The following PRKN variants were observed in gnomAD, a reference collection of about 807,000 sequenced individuals.
PRKN encodes the protein parkin RBR E3 ubiquitin protein ligase.
In PRKN, 56 loss-of-function variants were observed where a neutral mutation model predicts 59.5. The ratio of observed to expected loss-of-function variants is 0.94; its 90% CI spans 0.76 to 1.18. The LOEUF (loss-of-function observed/expected upper bound fraction) is 1.18. Ranked by LOEUF, PRKN falls within the 50% of genes most tolerant of loss-of-function variation. PRKN has a pLI of 0.00. For synonymous variants in PRKN, 250 were observed against 222.1 expected (o/e 1.13, Z -1.12); for missense variants, 657 against 596.4 (o/e 1.10, Z -1.06).
intron 6 of PRKN, among the ~76,000 whole-genome samples, chr6:161,802,438 G>A (rs1381603421): frequency 7.1e-6 from 1 of 140,378 alleles, no homozygotes; most frequent in Non-Finnish European, 1.6e-5. Context: ...ACCCACACAC[G>A]CCCCACACAC....
intron 7 of PRKN, among the ~76,000 whole-genome samples, chr6:161,650,806 GT>G (rs1784124985): frequency 6.6e-6 from 1 of 152,212 alleles, no homozygotes; most frequent in Non-Finnish European, 1.5e-5. Context: ...CTTGGAGAAT[GT>G]TTACTAAATG....
At chr6:162,102,186 C>T (rs1340370399) in intron 4 of PRKN, among the ~76,000 whole-genome samples, 1 of 152,076 alleles carries the variant, frequency 6.6e-6, no homozygotes, top group Non-Finnish European at 1.5e-5. Flanking sequence ...TACTCTCCGT[C>T]CCCCCACCCA....
At chr6:162,637,640 T>C (rs979679037) in intron 1 of PRKN, among the ~76,000 whole-genome samples, 11 of 152,188 alleles carry the variant, frequency 7.2e-5, no homozygotes, top group African/African-American at 2.4e-4. Context: ...ATTTGACTTC[T>C]GTATTCTCTT....
chr6:161,613,943 G>T (rs145698261), intron 7 of PRKN, among the ~76,000 whole-genome samples: 1 of 152,264 alleles, frequency 6.6e-6, no homozygotes, highest in African/African-American at 2.4e-5. Context: ...CTGCTCTGTG[G>T]GGCTCTGGAG....
chr6:162,135,709 G>A (rs2128309155), intron 4 of PRKN, among the ~76,000 whole-genome samples: 1 of 152,138 alleles, frequency 6.6e-6, no homozygotes, highest in Middle Eastern at 3.4e-3. Flanking sequence ...CAATGGGCTG[G>A]TCAGAGAAGG....
chr6:162,363,565 ACT>A (rs756180866), intron 2 of PRKN, among the ~76,000 whole-genome samples: 1 of 152,070 alleles, frequency 6.6e-6, no homozygotes, highest in Non-Finnish European at 1.5e-5. Context: ...TTTCTATGCT[ACT>A]TTTTCCAAAT....
rs1779969542 is a variant in PRKN at position 161,550,645 on chromosome 6, G to A, written c.934-1642C>T. ...TGAGAGGAAAAGAGGAGTCAACTGT[G>A]AGTGGAGTGTAGTTCCCCGTTTCCT... On this transcript the variant is annotated intron_variant, in intron 8 of 11. Transcript: ENST00000366898. This position sits in a 1 kb window ranked among gnomAD's most constrained non-coding sequence, Gnocchi z 4.0. Among the ~76,000 whole-genome samples, 2 of 152,002 alleles carry A rather than the reference G, an allele frequency of 1.3e-5. No homozygotes were observed. Among genetic ancestry groups the A allele is most frequent in the Admixed American group, 1.3e-4 (2 of 15,270 alleles).
chr6:162,432,430 G>A (rs1344424750), intron 2 of PRKN, among the ~76,000 whole-genome samples: 1 of 152,076 alleles, frequency 6.6e-6, no homozygotes, highest in African/African-American at 2.4e-5. Context: ...CAGGGCTGAG[G>A]CAGGAGAATC....
At chr6:162,420,388 G>A (rs1583544353) in intron 2 of PRKN, among the ~76,000 whole-genome samples, 1 of 152,136 alleles carries the variant, frequency 6.6e-6, no homozygotes, top group Non-Finnish European at 1.5e-5. Flanking sequence ...TTGTCCTGCT[G>A]CCATCTTGGA....
rs1785522131 is a variant in PRKN, at chr6:161,373,429, G to C, written c.1168-13224C>G. Among the ~76,000 whole-genome samples the C allele has an allele frequency of 6.6e-6, 1 of 152,070 alleles. No homozygotes were observed. Among genetic ancestry groups the C allele is most frequent in the Admixed American group, 6.5e-5 (1 of 15,272 alleles). ...TCTTGGATTCCTCAGACACGGGTGG[G>C]AACACCTAGTCCTTGCTGAAAGAAG... On this transcript the variant is annotated intron_variant, in intron 10 of 11. Transcript: ENST00000366898. This position sits in a 1 kb window ranked among gnomAD's most constrained non-coding sequence, Gnocchi z 4.8.
chr6:162,337,743 G>GTCATTTAT (rs1167918080), intron 2 of PRKN, among the ~76,000 whole-genome samples: 1 of 152,122 alleles, frequency 6.6e-6, no homozygotes, highest in African/African-American at 2.4e-5. Flanking sequence ...TCACTCGGCA[G>GTCATTTAT]TCATTTATGA....
rs6455838 is a variant in PRKN, at chr6:162,510,879, T to A, written c.8-67406A>T. 1.6e-4 allele frequency among the ~76,000 whole-genome samples: 25 copies of A among 152,098 alleles called. 1 individual carries two copies. In the East Asian group the frequency reaches 4.7e-3, roughly 28 times the overall value. The stretch of plus-strand genomic sequence containing the variant: ...CAGAGGTTGCGGTGAGCCGAGATTG[T>A]GCCACTGCACTCCACCCTGGGCAAT... On this transcript the variant is annotated intron_variant, in intron 1 of 11. Transcript: ENST00000366898.
At chr6:161,840,114 A>G (rs1479086801) in intron 6 of PRKN, among the ~76,000 whole-genome samples, 1 of 152,178 alleles carries the variant, frequency 6.6e-6, no homozygotes, top group Non-Finnish European at 1.5e-5. Flanking sequence ...CCCTCAACAC[A>G]CAAAGACCAC....
rs1777984638 is a variant in PRKN at position 161,502,090 on chromosome 6, G to C, written c.1083+46764C>G. ...GCATAAAAGCTTTTTTATGAGTTGT[G>C]TTAAAAACTGCTTTTTGTGGATCAC... On this transcript the variant is annotated intron_variant, in intron 9 of 11. Coordinates refer to ENST00000366898, the MANE Select transcript of PRKN (RefSeq NM_004562.3). This position sits in a 1 kb window ranked among gnomAD's most constrained non-coding sequence, Gnocchi z 4.0. Among the ~76,000 whole-genome samples, 1 of 151,656 alleles carries C rather than the reference G, an allele frequency of 6.6e-6. No homozygotes were observed. Among genetic ancestry groups the C allele is most frequent in the African/African-American group, 2.4e-5 (1 of 41,338 alleles).
At chr6:162,470,849 C>T (rs1407546301) in intron 1 of PRKN, among the ~76,000 whole-genome samples, 1 of 151,942 alleles carries the variant, frequency 6.6e-6, no homozygotes, top group African/African-American at 2.4e-5. Context: ...CTCCAGCTCC[C>T]AGTTTCAAGT....
chr6:162,036,150 C>A (rs1029919119), intron 5 of PRKN, among the ~76,000 whole-genome samples: 4 of 151,512 alleles, frequency 2.6e-5, no homozygotes, highest in Admixed American at 6.6e-5. Context: ...CAGTGAAACC[C>A]CGTCTCTACT....
intron 1 of PRKN, among the ~76,000 whole-genome samples, chr6:162,596,321 T>TA (rs1781493314): frequency 6.6e-6 from 1 of 152,220 alleles, no homozygotes; most frequent in African/African-American, 2.4e-5. Flanking sequence ...TATGCTTCAA[T>TA]ACTTTAAAGG....
chr6:162,023,774 C>T (rs369872676), intron 5 of PRKN, among the ~76,000 whole-genome samples: 4 of 152,232 alleles, frequency 2.6e-5, no homozygotes, highest in African/African-American at 9.6e-5. Flanking sequence ...GGGGTGGAGC[C>T]GTAGCCAGGG....
In PRKN at chr6:161,785,871, C is replaced by T. The variant is rs756064095; in HGVS notation, c.772G>A (p.Val258Met). The change falls in exon 7 of 12, where the codon GTG becomes ATG. Residue 258 changes from valine (V) to methionine (M), a missense_variant. By Grantham distance (21) the Val-to-Met change is conservative. Coordinates refer to ENST00000366898, the MANE Select transcript of PRKN (RefSeq NM_004562.3). ...AAGTGGAAACAGTCTAAGCAAATCACGTGGCGGGAGTTGCACTGGAAAACC... is the reference window on the plus strand; with the variant it reads ...AAGTGGAAACAGTCTAAGCAAATCATGTGGCGGGAGTTGCACTGGAAAACC... ...VLVFQCNSRH[V>M]ICLDCFHLYC... 6.2e-6 allele frequency: 10 copies of T among 1,613,974 alleles called. No homozygotes were observed. The highest frequency in any genetic ancestry group is 4.0e-5 in the African/African-American group (3 of 74,906).
Sources: gnomAD v4.1 joint callset for allele counts (sites outside exome capture counted in the v4.1 genomes callset) on GRCh38, gnomAD v4.1.1 for gene constraint, Gnocchi (gnomAD v3.1) non-coding constraint, MANE v1.5 for transcripts, NCBI Gene and HGNC (gene_info 2026-07-23, HGNC 2026-07-21) for gene names.